LITAF: variants seen among roughly 807,000 people sequenced by gnomAD.
LITAF encodes the protein lipopolysaccharide induced TNF factor.
LITAF carries 9 observed loss-of-function variants against 14.5 expected under a neutral mutation model. The observed-to-expected ratio is 0.62, with a 90% CI of 0.37 to 1.08. LITAF has a LOEUF of 1.08. Among genes scored for constraint, LITAF ranks in the 50% least tolerant of loss-of-function variants. LITAF has a pLI of 0.01. For synonymous variants in LITAF, 98 were observed against 88.2 expected (o/e 1.11, Z -0.62); for missense variants, 206 against 213.4 (o/e 0.97, Z 0.22).
intron 1 of LITAF, among the ~76,000 whole-genome samples, chr16:11,581,964 T>C (rs536361859): frequency 2.0e-5 from 3 of 152,058 alleles, no homozygotes; most frequent in African/African-American, 7.2e-5. Context: ...TAGAGAGAGG[T>C]TGGTTGATAG....
At position 11,572,817 on chromosome 16, in the gene LITAF, G is replaced by A. The variant is rs114384833; in HGVS notation, c.-6+14069C>T. ...AGCCTGGAGTTTGGTAAACAGTAAC[G>A]CAGCGGTGTCAGAGAAGCAGTTGTG... On this transcript the variant is annotated intron_variant, in intron 1 of 3. Transcript: ENST00000622633. Among the ~76,000 whole-genome samples, 532 of 152,286 alleles carry A rather than the reference G, an allele frequency of 3.5e-3. 5 individuals carry two copies. The highest frequency in any genetic ancestry group is 0.012 in the African/African-American group (510 of 41,556).
chr16:11,588,689 G>A (rs1484702600), upstream of LITAF, among the ~76,000 whole-genome samples: 1 of 152,084 alleles, frequency 6.6e-6, no homozygotes, highest in Non-Finnish European at 1.5e-5. Flanking sequence ...GGCTTGCAAA[G>A]GTACCAATTA....
chr16:11,553,669 C>T lies in LITAF; in HGVS notation c.241G>A (p.Val81Met), dbSNP rs201653834. The change falls in exon 3 of 4, where the codon GTG becomes ATG. Residue 81 changes from valine to methionine, a missense_variant. By Grantham distance (21) the Val-to-Met change is conservative. Coordinates refer to ENST00000622633, the MANE Select transcript of LITAF (RefSeq NM_001136472.2). The surrounding 1 kb of genome is among the most constrained non-coding windows in gnomAD (Gnocchi z 7.7). ...NNPITVQTVYVQHPITFLDRP... is the reference protein window; with the variant it reads ...NNPITVQTVYMQHPITFLDRP... ...TCCAAAAAGGTGATGGGGTGCTGCA[C>T]GTAGACCGTCTGCACGGTAACTGAT... The T allele has an allele frequency of 1.6e-4, 254 of 1,613,950 alleles. No homozygotes were observed. Among genetic ancestry groups the T allele is most frequent in the Middle Eastern group, 1.6e-4 (1 of 6,084 alleles).
At chr16:11,607,230 C>T (rs959273145) in intron 3 of LITAF, among the ~76,000 whole-genome samples, 12 of 152,238 alleles carry the variant, frequency 7.9e-5, no homozygotes, top group African/African-American at 2.9e-4. Context: ...AAGCTGGCCT[C>T]AGCCTTGCAT....
chr16:11,591,772 C>A (rs1369990332), upstream of LITAF, among the ~76,000 whole-genome samples: 2 of 152,036 alleles, frequency 1.3e-5, no homozygotes, highest in African/African-American at 4.8e-5. Context: ...TCCCAGGTAG[C>A]TGGAATTACA....
At chr16:11,629,556 G>C (rs1288532762) in intron 3 of LITAF, among the ~76,000 whole-genome samples, 1 of 151,870 alleles carries the variant, frequency 6.6e-6, no homozygotes, top group Admixed American at 6.6e-5. Context: ...AGAAGGGTGG[G>C]TGAGGGGTGG....
chr16:11,603,441 G>A (rs955516961), upstream of LITAF, among the ~76,000 whole-genome samples: 19 of 152,136 alleles, frequency 1.2e-4, no homozygotes, highest in Non-Finnish European at 2.4e-4. Flanking sequence ...TGTCTTCCAC[G>A]CGCCCTTCTC....
rs779765623 is a variant in LITAF at position 11,634,547 on chromosome 16, C to G, written c.-20-910G>C. Among the ~76,000 whole-genome samples, 4 of 152,174 alleles carry G rather than the reference C, an allele frequency of 2.6e-5. No individual in the cohort carries two copies. The highest frequency in any genetic ancestry group is 9.7e-5 in the African/African-American group (4 of 41,444). ...ACATCACTATTGTAGAATCTAAGATCGGCCTTTTGAAACGTCTTCTCAGGT... is the reference window on the plus strand; with the variant it reads ...ACATCACTATTGTAGAATCTAAGATGGGCCTTTTGAAACGTCTTCTCAGGT... On this transcript the variant is annotated intron_variant, in intron 2 of 3. Coordinates refer to the LITAF transcript ENST00000574848. The surrounding 1 kb of genome is among the most constrained non-coding windows in gnomAD (Gnocchi z 4.1).
chr16:11,569,785 C>A (rs2064513013), intron 1 of LITAF, among the ~76,000 whole-genome samples: 1 of 152,164 alleles, frequency 6.6e-6, no homozygotes, highest in East Asian at 1.9e-4. Flanking sequence ...GTAATCCCAG[C>A]ACTTTGGGAG....
At chr16:11,564,032 G>A (rs949419339) in intron 1 of LITAF, among the ~76,000 whole-genome samples, 2 of 151,884 alleles carry the variant, frequency 1.3e-5, no homozygotes, top group African/African-American at 4.8e-5. Context: ...TCAGCCTCCC[G>A]AGAAGCTGGG....
At position 11,553,816 on chromosome 16, in the gene LITAF, A is replaced by G. The variant is rs2141702989; in HGVS notation, c.221-127T>C. Reference sequence around the variant, plus strand: ...ATATTTGTACATTTGTGTTCATAGCATGCGTTCATCGTCTGGCTATCTATG... The same window carrying G: ...ATATTTGTACATTTGTGTTCATAGCGTGCGTTCATCGTCTGGCTATCTATG... On this transcript the variant is annotated intron_variant, in intron 2 of 3. Transcript: ENST00000622633. The surrounding 1 kb of genome is among the most constrained non-coding windows in gnomAD (Gnocchi z 7.7). 2.7e-6 allele frequency: 3 copies of G among 1,106,202 alleles called. No homozygotes were observed. The highest frequency in any genetic ancestry group is 2.0e-5 in the Admixed American group (1 of 49,536). 68.5% of individuals were successfully genotyped at this position (1,106,202 alleles called of 1,614,324 possible).
chr16:11,574,635 A>C (rs2064601232), intron 1 of LITAF, among the ~76,000 whole-genome samples: 1 of 152,040 alleles, frequency 6.6e-6, no homozygotes, highest in South Asian at 2.1e-4. Context: ...TGATGTCATC[A>C]CAGCCCTTTG....
In LITAF at chr16:11,634,635, A is replaced by G. The variant is rs1054398276; in HGVS notation, c.-20-998T>C. On this transcript the variant is annotated intron_variant, in intron 2 of 3. Transcript: ENST00000574848. The surrounding 1 kb of genome is among the most constrained non-coding windows in gnomAD (Gnocchi z 4.1). ...CATGAGGACCATTTTCCATAACCCT[A>G]TGATTGCATCCCCAACCAGTCAGCA... Among the ~76,000 whole-genome samples, 1 of 152,174 alleles carries G rather than the reference A, an allele frequency of 6.6e-6. No individual in the cohort carries two copies. Among genetic ancestry groups the G allele is most frequent in the Admixed American group, 6.5e-5 (1 of 15,276 alleles).
chr16:11,580,159 A>G (rs982090901), intron 1 of LITAF, among the ~76,000 whole-genome samples: 8 of 152,232 alleles, frequency 5.3e-5, no homozygotes, highest in African/African-American at 1.9e-4. Flanking sequence ...TGAAAAAAAG[A>G]TCCAAAATCT....
chr16:11,564,731 G>A (rs2064424845), intron 1 of LITAF, among the ~76,000 whole-genome samples: 1 of 152,104 alleles, frequency 6.6e-6, no homozygotes, highest in Admixed American at 6.6e-5. Flanking sequence ...GGCCAGCCTA[G>A]CAGTTTTATC....
intron 3 of LITAF, among the ~76,000 whole-genome samples, chr16:11,618,854 G>T (rs530640458): frequency 2.0e-5 from 3 of 151,794 alleles, no homozygotes; most frequent in African/African-American, 7.3e-5. Context: ...GTGGTGGTGG[G>T]TGCCTGTAAT....
chr16:11,599,467 A>G (rs1022774938), upstream of LITAF, among the ~76,000 whole-genome samples: 1 of 151,808 alleles, frequency 6.6e-6, no homozygotes, highest in Admixed American at 6.6e-5. Flanking sequence ...CCAAAACAAA[A>G]CCCTGCAAGG....
chr16:11,607,903 G>T (rs2064962824), intron 3 of LITAF, among the ~76,000 whole-genome samples: 1 of 152,142 alleles, frequency 6.6e-6, no homozygotes, highest in Admixed American at 6.5e-5. Flanking sequence ...GATGTCTCCA[G>T]ATGACATCTC....
intron 3 of LITAF, among the ~76,000 whole-genome samples, chr16:11,603,767 G>C (rs146366086): frequency 2.0e-5 from 3 of 152,188 alleles, no homozygotes; most frequent in Non-Finnish European, 4.4e-5. Flanking sequence ...ACTAGAGGCC[G>C]GGCGCAGGGG....
Sources: allele counts gnomAD v4.1 joint callset (sites outside exome capture counted in the v4.1 genomes callset), GRCh38; gene constraint gnomAD v4.1.1; non-coding constraint Gnocchi (gnomAD v3.1); transcripts MANE v1.5; gene names NCBI Gene and HGNC (gene_info 2026-07-23, HGNC 2026-07-21).